NUBPL: variants seen among roughly 807,000 people sequenced by gnomAD.
The protein encoded by NUBPL is NUBP iron-sulfur cluster assembly factor, mitochondrial.
NUBPL carries 31 observed loss-of-function variants against 45.7 expected under a neutral mutation model. The ratio of observed to expected loss-of-function variants is 0.68; its 90% CI spans 0.51 to 0.92. NUBPL has a LOEUF of 0.92. Ranked by LOEUF, NUBPL falls within the 40% of genes least tolerant of loss-of-function variation. The pLI, the probability that NUBPL is intolerant of heterozygous loss-of-function variation, is 0.00. For missense variants in NUBPL, 401 were observed against 398.7 expected (o/e 1.01, Z -0.05); for synonymous variants, 144 against 140.9 (o/e 1.02, Z -0.15).
chr14:31,813,074 T>A (rs937338725), intron 7 of NUBPL, among the ~76,000 whole-genome samples: 4 of 150,478 alleles, frequency 2.7e-5, no homozygotes, highest in Admixed American at 1.3e-4. Flanking sequence ...CTGCAAGCCC[T>A]GCCTCCTGGG....
At chr14:31,653,175 C>G (rs879337035) in intron 4 of NUBPL, among the ~76,000 whole-genome samples, 43 of 152,314 alleles carry the variant, frequency 2.8e-4, no homozygotes, top group African/African-American at 8.9e-4. Flanking sequence ...ATTAGAATTA[C>G]TGATGAGGTT....
chr14:31,801,107 G>A (rs1053251068), intron 7 of NUBPL: 3 of 152,324 alleles, frequency 2.0e-5, no homozygotes, highest in Non-Finnish European at 4.4e-5. Flanking sequence ...CCATGGAAAA[G>A]GGGCTGCCTG....
At chr14:31,734,582 C>T (rs2038123900) in intron 6 of NUBPL, among the ~76,000 whole-genome samples, 1 of 152,026 alleles carries the variant, frequency 6.6e-6, no homozygotes, top group Non-Finnish European at 1.5e-5. Flanking sequence ...TTTTTAGTTT[C>T]ATATTTCATA....
At chr14:31,596,681 G>A (rs981531067) in intron 3 of NUBPL, among the ~76,000 whole-genome samples, 2 of 152,174 alleles carry the variant, frequency 1.3e-5, no homozygotes, top group Non-Finnish European at 1.5e-5. Flanking sequence ...GTTAGATCGT[G>A]TTAAAGTTCT....
chr14:31,838,639 G>A (rs2040322079), intron 8 of NUBPL, among the ~76,000 whole-genome samples: 1 of 152,132 alleles, frequency 6.6e-6, no homozygotes, highest in Non-Finnish European at 1.5e-5. Context: ...CAGGGTCTTG[G>A]TAACATGGGC....
At chr14:31,699,286 G>A (rs2037282562) in intron 6 of NUBPL, among the ~76,000 whole-genome samples, 1 of 152,156 alleles carries the variant, frequency 6.6e-6, no homozygotes, top group African/African-American at 2.4e-5. Flanking sequence ...TTAATTATCT[G>A]AATGCAGAAA....
At chr14:31,599,184 T>C in intron 3 of NUBPL, 105 bp from the exon 4 acceptor site, 2 of 847,434 alleles carry the variant, frequency 2.4e-6, no homozygotes, top group South Asian at 2.8e-5. Flanking sequence ...TTATTTTCTG[T>C]ACTCAGATTA....
chr14:31,704,849 G>A lies in NUBPL; in HGVS notation c.513+31275G>A, dbSNP rs887129213. Among the ~76,000 whole-genome samples, 4 of 152,060 alleles carry A rather than the reference G, an allele frequency of 2.6e-5. No homozygotes were observed. In the South Asian group the frequency reaches 6.2e-4, roughly 24 times the overall value. On this transcript the variant is annotated intron_variant, in intron 6 of 10. Coordinates refer to ENST00000281081, the MANE Select transcript of NUBPL (RefSeq NM_025152.3). Reference sequence around the variant, plus strand: ...CTGGAATTGGTGGGTTCTTGGTCTCGCTGACTTCAAGAATGAAGCCGCGGA... The same window carrying A: ...CTGGAATTGGTGGGTTCTTGGTCTCACTGACTTCAAGAATGAAGCCGCGGA...
At chr14:31,690,154 G>A (rs950138349) in intron 6 of NUBPL, among the ~76,000 whole-genome samples, 3 of 151,898 alleles carry the variant, frequency 2.0e-5, no homozygotes, top group Non-Finnish European at 4.4e-5. Context: ...CAGGATTTAA[G>A]ACAGGAAGGG....
chr14:31,685,836 G>GA (rs1314544443), intron 6 of NUBPL, among the ~76,000 whole-genome samples: 1 of 152,168 alleles, frequency 6.6e-6, no homozygotes, highest in African/African-American at 2.4e-5. Context: ...TAGTGTTCAT[G>GA]AAAATTACAT....
At chr14:31,674,912 G>A (rs1047101845) in intron 6 of NUBPL, among the ~76,000 whole-genome samples, 5 of 152,040 alleles carry the variant, frequency 3.3e-5, no homozygotes, top group South Asian at 2.1e-4. Flanking sequence ...CGAGATGGGC[G>A]GATCACGAGG....
intron 4 of NUBPL, among the ~76,000 whole-genome samples, chr14:31,608,080 T>C (rs779342303): frequency 3.3e-5 from 5 of 152,158 alleles, no homozygotes; most frequent in Non-Finnish European, 5.9e-5. Context: ...CAAGAGAGAA[T>C]GGCATGACAT....
At chr14:31,701,234 C>T (rs2037330703) in intron 6 of NUBPL, among the ~76,000 whole-genome samples, 1 of 151,894 alleles carries the variant, frequency 6.6e-6, no homozygotes, top group African/African-American at 2.4e-5. Context: ...ATGCACCAGT[C>T]AGTGCTCTGT....
chr14:31,562,236 T>C, intron 2 of NUBPL, 21 bp downstream of exon 2: 1 of 1,600,724 alleles, frequency 6.2e-7, no homozygotes, highest in Non-Finnish European at 8.5e-7. Flanking sequence ...ATATTAATTC[T>C]ATTCCTGATT....
chr14:31,564,877 T>G (rs2033395632), intron 2 of NUBPL, 137 bp from the exon 3 acceptor site: 3 of 553,106 alleles, frequency 5.4e-6, no homozygotes, highest in Non-Finnish European at 9.7e-6. Flanking sequence ...TGTTCAAAAT[T>G]TATATGCTTA....
rs1443487217 is a variant in NUBPL, at chr14:31,575,698, T to C, written c.291+10650T>C. 3.3e-5 allele frequency among the ~76,000 whole-genome samples: 5 copies of C among 152,200 alleles called. No individual in the cohort carries two copies. In the East Asian group the frequency reaches 9.6e-4, roughly 29 times the overall value. ...TACATGTGTTGTAAAGGGATTATGC[T>C]ATATTAAATTAACCAATTCTTAATA... On this transcript the variant is annotated intron_variant, in intron 3 of 10. Coordinates refer to ENST00000281081, the MANE Select transcript of NUBPL (RefSeq NM_025152.3).
intron 6 of NUBPL, among the ~76,000 whole-genome samples, chr14:31,697,872 A>C (rs2037247001): frequency 6.6e-6 from 1 of 152,138 alleles, no homozygotes. Flanking sequence ...CCCCTGTTGA[A>C]CAGGTAAGGA....
chr14:31,815,864 C>T (rs2039904701), intron 7 of NUBPL, among the ~76,000 whole-genome samples: 3 of 152,128 alleles, frequency 2.0e-5, no homozygotes, highest in Admixed American at 6.6e-5. Context: ...TTTAACCAGC[C>T]TTGCATGCCA....
At position 31,788,605 on chromosome 14, in the gene NUBPL, G is replaced by A. The variant is rs542015988; in HGVS notation, c.607+732G>A. Among the ~76,000 whole-genome samples, 3 of 152,292 alleles carry A rather than the reference G, an allele frequency of 2.0e-5. No individual in the cohort carries two copies. In the South Asian group the frequency reaches 6.2e-4, roughly 32 times the overall value. On this transcript the variant is annotated intron_variant, in intron 7 of 10. Coordinates refer to ENST00000281081, the MANE Select transcript of NUBPL (RefSeq NM_025152.3). ...TTAAATCTGTACTTACTGTGCCTGTGTATCTCTTAGGAATTTCCCCTTTGC... is the reference window on the plus strand; with the variant it reads ...TTAAATCTGTACTTACTGTGCCTGTATATCTCTTAGGAATTTCCCCTTTGC...
Sources: gnomAD v4.1 joint callset for allele counts (sites outside exome capture counted in the v4.1 genomes callset) on GRCh38, gnomAD v4.1.1 for gene constraint, MANE v1.5 for transcripts, NCBI Gene and HGNC (gene_info 2026-07-23, HGNC 2026-07-21) for gene names.